Variants in TECPR2 observed in about 807,000 individuals in gnomAD.
TECPR2 encodes tectonin beta-propeller repeat-containing protein 2.
TECPR2 carries 65 observed loss-of-function variants against 138.1 expected under a neutral mutation model. The ratio of observed to expected loss-of-function variants is 0.47; its 90% CI spans 0.39 to 0.58. The LOEUF (loss-of-function observed/expected upper bound fraction) is 0.58, where lower values mean the gene tolerates loss of function less well. Ranked by LOEUF, TECPR2 falls within the 20% of genes least tolerant of loss-of-function variation. The pLI, the probability that TECPR2 is intolerant of heterozygous loss-of-function variation, is 0.00. For synonymous variants in TECPR2, 746 were observed against 749.8 expected (o/e 0.99, Z 0.08); for missense variants, 1,553 against 1,824.5 (o/e 0.85, Z 2.71).
intron 1 of TECPR2, among the ~76,000 whole-genome samples, chr14:102,371,641 A>G (rs1055185188): frequency 6.6e-6 from 1 of 152,160 alleles, no homozygotes; most frequent in African/African-American, 2.4e-5. Flanking sequence ...TGATATGAAC[A>G]TTCTTCAAGG....
At chr14:102,467,842 CTT>C (rs554307063) in intron 17 of TECPR2, among the ~76,000 whole-genome samples, 1 of 143,808 alleles carries the variant, frequency 7.0e-6, no homozygotes. Flanking sequence ...TTCCTTTTTT[CTT>C]TTTTTTTTTT....
At chr14:102,391,047 G>T (rs1030606075) in intron 2 of TECPR2, among the ~76,000 whole-genome samples, 1 of 152,094 alleles carries the variant, frequency 6.6e-6, no homozygotes, top group Admixed American at 6.6e-5. Context: ...TGCATGTTAG[G>T]TAAAACTATG....
At chr14:102,393,198 G>C (rs1223277381) in intron 2 of TECPR2, among the ~76,000 whole-genome samples, 1 of 152,150 alleles carries the variant, frequency 6.6e-6, no homozygotes, top group Non-Finnish European at 1.5e-5. Context: ...TTGGGGTCCT[G>C]TGGATTTTCC....
chr14:102,497,152 G>T, intron 18 of TECPR2, 32 bp downstream of exon 18: 1 of 1,596,808 alleles, frequency 6.3e-7, no homozygotes, highest in Non-Finnish European at 8.5e-7. Flanking sequence ...CTGTGGTGCC[G>T]GCCAGCCGGG....
In TECPR2 at chr14:102,493,045, G is replaced by A. The variant is rs80313483; in HGVS notation, c.3790-3934G>A. ...CGCCTGCCACCGTGCTGCTTCCAGC[G>A]CCCATCTTTCTCTATCTGGAGACCC... On this transcript the variant is annotated intron_variant, in intron 17 of 19. Coordinates refer to ENST00000359520, the MANE Select transcript of TECPR2 (RefSeq NM_014844.5). Among the ~76,000 whole-genome samples, 1,347 of 152,306 alleles carry A rather than the reference G, an allele frequency of 8.8e-3. 27 individuals are homozygous for A. The highest frequency in any genetic ancestry group is 0.031 in the African/African-American group (1,286 of 41,564).
chr14:102,416,272 C>T (rs1174700711), intron 5 of TECPR2, among the ~76,000 whole-genome samples: 1 of 152,162 alleles, frequency 6.6e-6, no homozygotes, highest in Non-Finnish European at 1.5e-5. Flanking sequence ...CAGGCATGTG[C>T]CACCACACCC....
rs769927950 is a variant in TECPR2, at chr14:102,438,132, C to T, written c.2505C>T (p.Ser835=). The change falls in exon 10 of 20, where the codon AGC becomes AGT. Residue 835 remains serine, a synonymous_variant. Coordinates refer to ENST00000359520, the MANE Select transcript of TECPR2 (RefSeq NM_014844.5). ...CLDYKGGLFC[S]ALPGAGLRWQ... ...ACTACAAAGGCGGCCTGTTCTGCAGCGCGTTGCCGGGCGCCGGGCTGCGCT... is the reference window on the plus strand; with the variant it reads ...ACTACAAAGGCGGCCTGTTCTGCAGTGCGTTGCCGGGCGCCGGGCTGCGCT... 37 of 1,613,780 alleles carry T rather than the reference C, an allele frequency of 2.3e-5. No homozygotes were observed. Among genetic ancestry groups the T allele is most frequent in the Non-Finnish European group, 3.0e-5 (35 of 1,179,998 alleles).
intron 17 of TECPR2, 96 bp downstream of exon 17, chr14:102,465,385 G>T (rs972055126): frequency 4.6e-6 from 7 of 1,507,884 alleles, no homozygotes; most frequent in Non-Finnish European, 6.2e-6. Flanking sequence ...GCCTCTAGAG[G>T]CCTCCCAGCA....
rs934790649 is a variant in TECPR2 at position 102,459,201 on chromosome 14, G to C, written c.3641-5940G>C. On this transcript the variant is annotated intron_variant, in intron 16 of 19. Coordinates refer to ENST00000359520, the MANE Select transcript of TECPR2 (RefSeq NM_014844.5). ...CCACATCAGCCTCCCAAAGTGCGGG[G>C]ATTACAACTGCATGCAGCTGCACCA... 1.4e-4 allele frequency among the ~76,000 whole-genome samples: 22 copies of C among 152,138 alleles called. 1 individual carries two copies. The highest frequency in any genetic ancestry group is 4.8e-4 in the African/African-American group (20 of 41,508).
intron 4 of TECPR2, among the ~76,000 whole-genome samples, chr14:102,411,901 C>G (rs1487335516): frequency 2.0e-5 from 3 of 151,854 alleles, no homozygotes; most frequent in African/African-American, 4.8e-5. Context: ...ATGACTACCT[C>G]ATAAAGCAAA....
chr14:102,366,107 G>A (rs958800707), intron 1 of TECPR2, among the ~76,000 whole-genome samples: 3 of 152,230 alleles, frequency 2.0e-5, no homozygotes, highest in African/African-American at 4.8e-5. Context: ...ATTGTACAGC[G>A]AAGTGGATGA....
rs149584733 is a variant in TECPR2 at position 102,434,287 on chromosome 14, C to T, written c.1470C>T (p.Ser490=). ...CHSSLESTPC[S]EFPGDSPQSL... is the part of the protein sequence containing the mutation. ...GCTCCCTGGAATCGACACCCTGCTC[C>T]GAATTTCCTGGGGACAGTCCCCAGT... Residue 490 remains serine (S), a synonymous_variant, in exon 9 of 20, where the codon TCC becomes TCT. Coordinates refer to ENST00000359520, the MANE Select transcript of TECPR2 (RefSeq NM_014844.5). 641 of 1,391,190 alleles carry T rather than the reference C, an allele frequency of 4.6e-4. No individual in the cohort carries two copies. The African/African-American group carries it at 7.3e-3, about 16-fold the overall frequency. 86.2% of individuals were successfully genotyped at this position (1,391,190 alleles called of 1,614,324 possible).
At chr14:102,446,963 A>T (rs76774613) in intron 13 of TECPR2, among the ~76,000 whole-genome samples, 1 of 152,180 alleles carries the variant, frequency 6.6e-6, no homozygotes, top group Non-Finnish European at 1.5e-5. Context: ...AGCCCAACCC[A>T]GAATTAAAAT....
chr14:102,435,170 C>T lies in TECPR2; in HGVS notation c.2353C>T (p.Arg785Trp), dbSNP rs372127278. Residue 785 changes from arginine (R) to tryptophan (W), a missense_variant, in exon 9 of 20, where the codon CGG becomes TGG. Arg to Trp is a moderately radical substitution (Grantham distance 101, BLOSUM62 -3). Transcript: ENST00000359520. ...GPSCSQQDLS[R>W]LGAEDAGLLK... ...TAGTTGCTCCCAGCAGGACCTGAGC[C>T]GGCTGGGTGCAGAGGACGCCGGGCT... is the stretch of plus-strand genomic sequence containing the variant. 1.2e-5 allele frequency: 20 copies of T among 1,612,770 alleles called. No individual in the cohort carries two copies. The highest frequency in any genetic ancestry group is 1.5e-5 in the Non-Finnish European group (18 of 1,180,004).
chr14:102,401,052 A>T (rs1032435639), intron 2 of TECPR2, among the ~76,000 whole-genome samples: 5 of 151,872 alleles, frequency 3.3e-5, no homozygotes, highest in African/African-American at 1.2e-4. Flanking sequence ...GAACAAAATG[A>T]TAGAAATAAG....
rs568845777 is a variant in TECPR2 at position 102,398,575 on chromosome 14, C to T, written c.220-8763C>T. Among the ~76,000 whole-genome samples, 5 of 152,138 alleles carry T rather than the reference C, an allele frequency of 3.3e-5. No homozygotes were observed. The East Asian group carries it at 9.7e-4, about 29-fold the overall frequency. ...CTCCCAAAAGCGAAAACCAAAGAACCTTTGGGCTGGATTCAGTGGCTCACA... is the reference window on the plus strand; with the variant it reads ...CTCCCAAAAGCGAAAACCAAAGAACTTTTGGGCTGGATTCAGTGGCTCACA... On this transcript the variant is annotated intron_variant, in intron 2 of 19. Coordinates refer to ENST00000359520, the MANE Select transcript of TECPR2 (RefSeq NM_014844.5).
intron 17 of TECPR2, among the ~76,000 whole-genome samples, chr14:102,477,199 G>A (rs746335216): frequency 4.6e-5 from 7 of 152,070 alleles, no homozygotes; most frequent in African/African-American, 9.7e-5. Context: ...GTGAAACCCC[G>A]TCTCTATTAA....
chr14:102,418,772 G>A (rs1423545782), intron 5 of TECPR2, among the ~76,000 whole-genome samples: 2 of 152,230 alleles, frequency 1.3e-5, no homozygotes, highest in Non-Finnish European at 2.9e-5. Context: ...GGTAGGAGAA[G>A]ACAGGATGGG....
intron 2 of TECPR2, among the ~76,000 whole-genome samples, chr14:102,392,569 T>C (rs1888206401): frequency 6.6e-6 from 1 of 152,236 alleles, no homozygotes; most frequent in African/African-American, 2.4e-5. Flanking sequence ...TTAAAACATT[T>C]TAATCATTTT....
Sources: gnomAD v4.1 joint callset for allele counts (sites outside exome capture counted in the v4.1 genomes callset) on GRCh38, gnomAD v4.1.1 for gene constraint, MANE v1.5 for transcripts, NCBI Gene and HGNC (gene_info 2026-07-23, HGNC 2026-07-21) for gene names.